CDH11: variants seen among roughly 807,000 people sequenced by gnomAD.
CDH11 encodes the protein cadherin-11.
CDH11 carries 11 observed loss-of-function variants against 67.8 expected under a neutral mutation model. The observed-to-expected ratio is 0.16, with a 90% CI of 0.10 to 0.27. The LOEUF is 0.27. CDH11 is among the 10% of genes least tolerant of loss of function. The probability of loss-of-function intolerance (pLI) is 1.00; values close to 1 mark genes in which losing one functional copy is unlikely to be tolerated. For missense variants in CDH11, 847 were observed against 1,031.2 expected, an observed-to-expected ratio of 0.82 and a Z score of 2.45; for synonymous variants, 419 against 400.0, an observed-to-expected ratio of 1.05 and a Z score of -0.57.
At chr16:65,094,916 C>A (rs62044960) in intron 1 of CDH11, 1 of 152,022 alleles carries the variant, frequency 6.6e-6, no homozygotes, top group African/African-American at 2.4e-5. Context: ...AAAAAACATT[C>A]TCTTGGTTAT....
At chr16:65,083,060 T>A (rs560292206) in intron 1 of CDH11, among the ~76,000 whole-genome samples, 1 of 152,334 alleles carries the variant, frequency 6.6e-6, no homozygotes, top group East Asian at 1.9e-4. Context: ...AGGAATCCCA[T>A]GAACACTGTT....
intron 2 of CDH11, among the ~76,000 whole-genome samples, chr16:65,015,648 C>A (rs1320582104): frequency 2.0e-5 from 3 of 152,120 alleles, no homozygotes; most frequent in African/African-American, 7.2e-5. Context: ...ATAAAGCACT[C>A]ATAAGTAATG....
intron 1 of CDH11, among the ~76,000 whole-genome samples, chr16:65,081,888 G>A (rs977546060): frequency 5.9e-5 from 9 of 151,964 alleles, no homozygotes; most frequent in Non-Finnish European, 1.3e-4. Flanking sequence ...ATGAATTCAA[G>A]AAAATGTTAT....
rs2074968581 is a variant in CDH11, at chr16:65,100,325, A to T, written c.-298+21555T>A. 2.7e-5 allele frequency among the ~76,000 whole-genome samples: 4 copies of T among 150,790 alleles called. No homozygotes were observed. In the South Asian group the frequency reaches 8.3e-4, roughly 31 times the overall value. ...CATCTGAGGCAACAAATGTAATAGG[A>T]GAAGAAGACTGGAAGAAAATACTAA... On this transcript the variant is annotated intron_variant, in intron 1 of 12. Transcript: ENST00000268603.
intron 8 of CDH11, among the ~76,000 whole-genome samples, chr16:64,978,476 A>G (rs1206201881): frequency 6.6e-6 from 1 of 152,248 alleles, no homozygotes; most frequent in East Asian, 1.9e-4. Context: ...AACATTATCT[A>G]CAAAAATAGG....
At chr16:65,095,336 C>CAA (rs1236069988) in intron 1 of CDH11, among the ~76,000 whole-genome samples, 1 of 152,118 alleles carries the variant, frequency 6.6e-6, no homozygotes. Flanking sequence ...ATGTGCTTTA[C>CAA]GTTACTTAAC....
At chr16:65,045,580 T>A (rs1401684692) in intron 2 of CDH11, among the ~76,000 whole-genome samples, 1 of 151,820 alleles carries the variant, frequency 6.6e-6, no homozygotes, top group Non-Finnish European at 1.5e-5. Flanking sequence ...TTCCCTTTAC[T>A]TCCCTGATTT....
At chr16:65,051,745 C>A (rs2074059776) in intron 2 of CDH11, among the ~76,000 whole-genome samples, 1 of 152,126 alleles carries the variant, frequency 6.6e-6, no homozygotes, top group Non-Finnish European at 1.5e-5. Flanking sequence ...TTATAAGGGG[C>A]TCTCCTCCCT....
At chr16:65,089,747 C>T (rs2074763713) in intron 1 of CDH11, among the ~76,000 whole-genome samples, 1 of 152,110 alleles carries the variant, frequency 6.6e-6, no homozygotes, top group African/African-American at 2.4e-5. Context: ...AATTACCATA[C>T]ACAAAACAGC....
chr16:64,959,919 C>T (rs2071625611), intron 11 of CDH11, among the ~76,000 whole-genome samples: 1 of 152,172 alleles, frequency 6.6e-6, no homozygotes, highest in African/African-American at 2.4e-5. Context: ...CTTGGCTATC[C>T]TTACTAAACC....
intron 1 of CDH11, among the ~76,000 whole-genome samples, chr16:65,089,818 C>A (rs922248013): frequency 1.3e-5 from 2 of 152,120 alleles, no homozygotes; most frequent in Non-Finnish European, 2.9e-5. Flanking sequence ...ATTTTAAAAT[C>A]TCTTAATGAA....
At chr16:65,048,817 G>T (rs2074006847) in intron 2 of CDH11, among the ~76,000 whole-genome samples, 1 of 151,192 alleles carries the variant, frequency 6.6e-6, no homozygotes, top group Admixed American at 6.6e-5. Flanking sequence ...TCTTTTTTAT[G>T]GCTGTATGGT....
At chr16:65,065,725 T>C (rs985532994) in intron 1 of CDH11, among the ~76,000 whole-genome samples, 2 of 152,198 alleles carry the variant, frequency 1.3e-5, no homozygotes, top group African/African-American at 4.8e-5. Flanking sequence ...CTCAACAGCA[T>C]CTTTCTGCCA....
chr16:64,950,781 A>G lies in CDH11; in HGVS notation c.1880T>C (p.Ile627Thr). ...AGCGCCCTTACCCAGGAGAATGACG[A>G]TGCAGGCGAGGATGGCGATCAGGGC... is the stretch of plus-strand genomic sequence containing the variant. ...TGALIAILAC[I>T]VILLVIVVLF... Residue 627 changes from isoleucine to threonine, a missense_variant, in exon 12 of 13, where the codon ATC becomes ACC. Ile to Thr is a moderately conservative substitution (Grantham distance 89, BLOSUM62 -1). Transcript: ENST00000268603. The G allele has an allele frequency of 6.2e-7, 1 of 1,613,858 alleles. No individual in the cohort carries two copies. Among genetic ancestry groups the G allele is most frequent in the Non-Finnish European group, 8.5e-7 (1 of 1,179,816 alleles).
chr16:64,971,362 A>T (rs2071999846), intron 11 of CDH11, among the ~76,000 whole-genome samples: 2 of 152,212 alleles, frequency 1.3e-5, no homozygotes, highest in South Asian at 4.1e-4. Context: ...CTGCTTCATG[A>T]ATATCAAAGC....
chr16:65,043,909 T>G (rs1184233798), intron 2 of CDH11, among the ~76,000 whole-genome samples: 1 of 152,198 alleles, frequency 6.6e-6, no homozygotes, highest in Admixed American at 6.5e-5. Context: ...CTCTGTTTTC[T>G]AGGCTCTGCT....
intron 2 of CDH11, among the ~76,000 whole-genome samples, chr16:65,031,876 T>C (rs2073650231): frequency 6.6e-6 from 1 of 152,092 alleles, no homozygotes; most frequent in African/African-American, 2.4e-5. Flanking sequence ...AAGTCCATAA[T>C]TTTGGTGTCT....
At chr16:65,047,290 T>G (rs1249147379) in intron 2 of CDH11, among the ~76,000 whole-genome samples, 1 of 152,134 alleles carries the variant, frequency 6.6e-6, no homozygotes, top group Non-Finnish European at 1.5e-5. Context: ...GCCTAGAGTA[T>G]AGGAATTGAA....
intron 4 of CDH11, 140 bp downstream of exon 4, chr16:64,998,422 G>C (rs544818538): frequency 3.8e-5 from 30 of 786,420 alleles, no homozygotes; most frequent in South Asian, 1.2e-4. Flanking sequence ...AGGAACAAAA[G>C]AATTTTTGTT....
Sources: gnomAD v4.1 joint callset for allele counts (sites outside exome capture counted in the v4.1 genomes callset) on GRCh38, gnomAD v4.1.1 for gene constraint, MANE v1.5 for transcripts, NCBI Gene and HGNC (gene_info 2026-07-23, HGNC 2026-07-21) for gene names.